RASGRP1: variants seen among roughly 807,000 people sequenced by gnomAD.
RASGRP1 encodes the protein RAS guanyl releasing protein 1.
In RASGRP1, 37 loss-of-function variants were observed where a neutral mutation model predicts 95.1. The ratio of observed to expected loss-of-function variants is 0.39; its 90% CI spans 0.30 to 0.51. The LOEUF (loss-of-function observed/expected upper bound fraction) is 0.51. RASGRP1 is among the 20% of genes least tolerant of loss of function. RASGRP1 has a pLI of 0.80. For synonymous variants in RASGRP1, 325 were observed against 353.4 expected (o/e 0.92, Z 0.90); for missense variants, 711 against 965.4 (o/e 0.74, Z 3.49).
chr15:38,546,360 T>C (rs868263555), intron 2 of RASGRP1, among the ~76,000 whole-genome samples: 29 of 152,268 alleles, frequency 1.9e-4, no homozygotes, highest in African/African-American at 7.0e-4. Flanking sequence ...CTGTTGCGGC[T>C]GGGGCTACAG....
chr15:38,513,251 C>T (rs1891615515), intron 6 of RASGRP1, among the ~76,000 whole-genome samples: 2 of 152,204 alleles, frequency 1.3e-5, no homozygotes, highest in African/African-American at 4.8e-5. Flanking sequence ...GATATTGTTA[C>T]TGACTATTCT....
chr15:38,560,030 G>A (rs1211365228), intron 1 of RASGRP1, 25 bp from the exon 2 acceptor site: 2 of 1,571,350 alleles, frequency 1.3e-6, no homozygotes, highest in Non-Finnish European at 1.7e-6. Flanking sequence ...AAGGCAGTGA[G>A]GGGACAAACG....
chr15:38,510,614 A>C (rs1212284347), intron 8 of RASGRP1, among the ~76,000 whole-genome samples: 2 of 152,226 alleles, frequency 1.3e-5, no homozygotes, highest in African/African-American at 4.8e-5. Context: ...GTCATTATCT[A>C]ACCCATGCCA....
chr15:38,493,779 C>T (rs1890687295), intron 16 of RASGRP1, among the ~76,000 whole-genome samples: 1 of 152,118 alleles, frequency 6.6e-6, no homozygotes, highest in Non-Finnish European at 1.5e-5. Flanking sequence ...AAAAGATTCT[C>T]TTCGTTTATA....
intron 2 of RASGRP1, among the ~76,000 whole-genome samples, chr15:38,537,724 G>A (rs1355104086): frequency 6.6e-6 from 1 of 152,124 alleles, no homozygotes; most frequent in Non-Finnish European, 1.5e-5. Context: ...ATTTCAACAT[G>A]AGATTTGGGC....
rs75067543 is a variant in RASGRP1 at position 38,495,485 on chromosome 15, T to C, written c.1874-718A>G. On this transcript the variant is annotated intron_variant, in intron 15 of 16. Coordinates refer to ENST00000310803, the MANE Select transcript of RASGRP1 (RefSeq NM_005739.4). ...ACTGAAGATCATCTCAGTTTACTTT[T>C]TGGAAAGACTCAGCAGTGATTAAAA... Among the ~76,000 whole-genome samples the C allele has an allele frequency of 1.3e-3, 196 of 152,290 alleles. 1 individual carries two copies. The highest frequency in any genetic ancestry group is 4.5e-3 in the African/African-American group (187 of 41,552).
intron 2 of RASGRP1, among the ~76,000 whole-genome samples, chr15:38,532,602 T>G (rs956109551): frequency 1.3e-5 from 2 of 152,158 alleles, no homozygotes; most frequent in Non-Finnish European, 2.9e-5. Flanking sequence ...CCAAATGCAT[T>G]ATTCCCTCCT....
At chr15:38,513,483 G>A (rs1309212287) in intron 6 of RASGRP1, among the ~76,000 whole-genome samples, 1 of 152,214 alleles carries the variant, frequency 6.6e-6, no homozygotes, top group South Asian at 2.1e-4. Flanking sequence ...TTACATATAT[G>A]TAAGGTTGCG....
Position 38,502,249 on chromosome 15 carries a change from T to A in RASGRP1, c.1538+63A>T, listed in dbSNP as rs1037520826. 5.1e-6 allele frequency: 6 copies of A among 1,168,482 alleles called. No homozygotes were observed. In the Admixed American group the frequency reaches 1.3e-4, roughly 25 times the overall value. 72.4% of individuals were successfully genotyped at this position (1,168,482 alleles called of 1,614,324 possible). A position where few individuals can be genotyped will look rare whatever the true frequency, so the allele number is the denominator to read the frequency against. ...GAGTTTTCAAATTCTTCTAGTGACA[T>A]ACCTATAAACCTATTCTCACCAATG... is the stretch of plus-strand genomic sequence containing the variant. On this transcript the variant is annotated intron_variant, in intron 12 of 16. Transcript: ENST00000310803.
chr15:38,549,474 C>CTTGGTT (rs924306393), intron 2 of RASGRP1, among the ~76,000 whole-genome samples: 3 of 152,196 alleles, frequency 2.0e-5, no homozygotes, highest in African/African-American at 7.2e-5. Flanking sequence ...AAGTCCTATA[C>CTTGGTT]CATGATTCAG....
In RASGRP1 at chr15:38,494,271, T is replaced by C. The variant is rs1337833951; in HGVS notation, c.2259+111A>G. On this transcript the variant is annotated intron_variant, in intron 16 of 16. Coordinates refer to ENST00000310803, the MANE Select transcript of RASGRP1 (RefSeq NM_005739.4). Reference sequence around the variant, plus strand: ...TTTCTCCCCTCCTCCTTTTTTGTTTTAGACTGCTTGTAATCAGCCTGATCT... The same window carrying C: ...TTTCTCCCCTCCTCCTTTTTTGTTTCAGACTGCTTGTAATCAGCCTGATCT... The C allele has an allele frequency of 5.0e-6, 7 of 1,408,278 alleles. No individual in the cohort carries two copies. In the Admixed American group the frequency reaches 7.7e-5, roughly 16 times the overall value. 87.2% of individuals were successfully genotyped at this position (1,408,278 alleles called of 1,614,324 possible).
chr15:38,532,786 AG>A (rs1892496403), intron 2 of RASGRP1, among the ~76,000 whole-genome samples: 1 of 152,202 alleles, frequency 6.6e-6, no homozygotes, highest in Non-Finnish European at 1.5e-5. Context: ...GCACTGTCCT[AG>A]GTACTAAAGG....
At chr15:38,514,466 C>T (rs987111069) in intron 6 of RASGRP1, among the ~76,000 whole-genome samples, 3 of 151,868 alleles carry the variant, frequency 2.0e-5, no homozygotes, top group African/African-American at 7.3e-5. Context: ...AACAATTATC[C>T]CAGTAACATC....
chr15:38,511,748 G>T, intron 7 of RASGRP1, 28 bp from the exon 8 acceptor site: 1 of 1,541,260 alleles, frequency 6.5e-7, no homozygotes, highest in South Asian at 1.1e-5. Flanking sequence ...GATGACAGCA[G>T]AGTCACTGTA....
intron 2 of RASGRP1, among the ~76,000 whole-genome samples, chr15:38,543,648 C>CTTT (rs11450286): frequency 8.1e-5 from 4 of 49,526 alleles, no homozygotes; most frequent in South Asian, 1.5e-3. Context: ...TTCTTTTTTT[C>CTTT]TTTTTTTTTT....
At chr15:38,537,567 G>A (rs1484681939) in intron 2 of RASGRP1, among the ~76,000 whole-genome samples, 1 of 152,150 alleles carries the variant, frequency 6.6e-6, no homozygotes, top group African/African-American at 2.4e-5. Context: ...GAGCAGTGGG[G>A]CCCTGTCCTA....
chr15:38,564,753 C>A lies in RASGRP1; in HGVS notation c.-125G>T, dbSNP rs2141206658. ...CGGGCCTCGTAGCCCCGGCGCCCGC[C>A]AGCCCTCGAGCCCGGCGAGCCCGAC... On this transcript the variant is annotated 5_prime_UTR_variant, in exon 1 of 17. Transcript: ENST00000310803. 1 of 839,852 alleles carries A rather than the reference C, an allele frequency of 1.2e-6. No individual in the cohort carries two copies. Among genetic ancestry groups the A allele is most frequent in the Admixed American group, 5.1e-5 (1 of 19,738 alleles). The allele number at this position is 839,852 out of a possible 1,614,324, so 52.0% of individuals were successfully genotyped here.
intron 2 of RASGRP1, among the ~76,000 whole-genome samples, chr15:38,544,776 A>G (rs1197049938): frequency 6.6e-6 from 1 of 152,252 alleles, no homozygotes; most frequent in African/African-American, 2.4e-5. Flanking sequence ...ACTGGGCTCC[A>G]GTTTCCTGTA....
At chr15:38,547,886 G>T (rs750359416) in intron 2 of RASGRP1, among the ~76,000 whole-genome samples, 1 of 151,970 alleles carries the variant, frequency 6.6e-6, no homozygotes, top group African/African-American at 2.4e-5. Flanking sequence ...TGTGTGAGAT[G>T]GGGTGTGGAG....
Sources: allele counts gnomAD v4.1 joint callset (sites outside exome capture counted in the v4.1 genomes callset), GRCh38; gene constraint gnomAD v4.1.1; transcripts MANE v1.5; gene names NCBI Gene and HGNC (gene_info 2026-07-23, HGNC 2026-07-21).